Variants in DGKG observed in about 807,000 individuals in gnomAD.
DGKG encodes the protein diacylglycerol kinase gamma, also known as DAG kinase gamma.
Under a neutral mutation model 105.3 loss-of-function variants are expected in DGKG, and 78 were observed. The ratio of observed to expected loss-of-function variants is 0.74; its 90% CI spans 0.62 to 0.89. The LOEUF (loss-of-function observed/expected upper bound fraction) is 0.89, where lower values mean the gene tolerates loss of function less well. DGKG is among the 40% of genes least tolerant of loss of function. The probability of loss-of-function intolerance (pLI) is 0.00; values close to 1 mark genes in which losing one functional copy is unlikely to be tolerated. For synonymous variants in DGKG, 346 were observed against 367.1 expected (o/e 0.94, Z 0.66); for missense variants, 958 against 1,020.1 (o/e 0.94, Z 0.83).
chr3:186,197,984 A>G (rs1718267883), intron 21 of DGKG, among the ~76,000 whole-genome samples: 1 of 152,194 alleles, frequency 6.6e-6, no homozygotes, highest in Non-Finnish European at 1.5e-5. Flanking sequence ...TGCATTTTGC[A>G]TAGTTGTCTG....
chr3:186,256,519 C>T (rs762292832), intron 17 of DGKG, among the ~76,000 whole-genome samples: 5 of 152,324 alleles, frequency 3.3e-5, no homozygotes, highest in East Asian at 3.9e-4. Context: ...CAGTGGCCTC[C>T]GAACTGATCT....
Position 186,251,839 on chromosome 3 carries a change from C to T in DGKG, c.1681G>A (p.Glu561Lys), listed in dbSNP as rs1251287605. Residue 561 changes from glutamate to lysine, a missense_variant, in exon 19 of 25, where the codon GAA becomes AAA. Physicochemically the swap from Glu to Lys is moderately conservative, Grantham distance 56. This residue lies in a region of DGKG where 315 missense variants were observed against 400.6 expected (regional missense o/e 0.79). Coordinates refer to ENST00000265022, the MANE Select transcript of DGKG (RefSeq NM_001346.3). Reference protein sequence around the residue: ...PLVMLDRWHLEVIPREEVENG... With the variant: ...PLVMLDRWHLKVIPREEVENG... ...TCCACTTCCTCTCTGGGGATGACTTCCAGATGCCAGCGGTCCAGCATCACC... is the reference window on the plus strand; with the variant it reads ...TCCACTTCCTCTCTGGGGATGACTTTCAGATGCCAGCGGTCCAGCATCACC... 6.2e-7 allele frequency: 1 copy of T among 1,613,628 alleles called. No individual in the cohort carries two copies. The highest frequency in any genetic ancestry group is 1.1e-5 in the South Asian group (1 of 91,012).
At chr3:186,270,963 G>A (rs1039404042) in intron 11 of DGKG, among the ~76,000 whole-genome samples, 3 of 152,218 alleles carry the variant, frequency 2.0e-5, no homozygotes, top group Non-Finnish European at 2.9e-5. Context: ...CGTGTGTCCC[G>A]GTGAAAGGCA....
intron 1 of DGKG, among the ~76,000 whole-genome samples, chr3:186,322,687 C>T (rs774827342): frequency 9.9e-5 from 15 of 152,156 alleles, no homozygotes; most frequent in African/African-American, 1.9e-4. Flanking sequence ...TAATGACCCC[C>T]GGCATGCTGC....
chr3:186,332,104 C>G (rs902690747), intron 1 of DGKG, among the ~76,000 whole-genome samples: 16 of 152,132 alleles, frequency 1.1e-4, no homozygotes, highest in African/African-American at 3.9e-4. Flanking sequence ...AATAAGCCAC[C>G]TGTGGAGATG....
At chr3:186,319,019 T>C (rs2108638742) in intron 2 of DGKG, among the ~76,000 whole-genome samples, 1 of 152,356 alleles carries the variant, frequency 6.6e-6, no homozygotes, top group East Asian at 1.9e-4. Flanking sequence ...AGGGTAGGCC[T>C]CTCCTTTGTG....
rs566412677 is a variant in DGKG at position 186,149,393 on chromosome 3, C to T, written c.*697G>A. 3.3e-5 allele frequency: 33 copies of T among 985,346 alleles called. No homozygotes were observed. The East Asian group carries it at 9.1e-4, about 27-fold the overall frequency. 61.0% of individuals were successfully genotyped at this position (985,346 alleles called of 1,614,324 possible). A position where few individuals can be genotyped will look rare whatever the true frequency, so the allele number is the denominator to read the frequency against. ...AGGCAGCTCTGGGGGCTCTTGGAGC[C>T]GCCTCTAAGCAAACATGTAGACACC... On this transcript the variant is annotated 3_prime_UTR_variant, in exon 25 of 25. Coordinates refer to ENST00000265022, the MANE Select transcript of DGKG (RefSeq NM_001346.3).
At position 186,275,560 on chromosome 3, in the gene DGKG, G is replaced by A; in HGVS notation, c.897C>T (p.Gly299=). ...AAATTTACTCACAAGTGCAGCACAG[G>A]CCTTGCTTGCGGACGCCCATGAGCA... ...HIMLMGVRKQ[G]LCCTYCKYTV... The change falls in exon 10 of 25, where the codon GGC becomes GGT. Residue 299 remains glycine, a synonymous_variant. Transcript: ENST00000265022. 6.2e-7 allele frequency: 1 copy of A among 1,614,160 alleles called. No homozygotes were observed. Among genetic ancestry groups the A allele is most frequent in the Non-Finnish European group, 8.5e-7 (1 of 1,179,962 alleles).
chr3:186,240,496 G>A (rs1415995187), intron 20 of DGKG, among the ~76,000 whole-genome samples: 1 of 152,192 alleles, frequency 6.6e-6, no homozygotes, highest in Non-Finnish European at 1.5e-5. Context: ...TATGGCACAT[G>A]TGCATGAGTA....
At chr3:186,256,634 C>T (rs1219879578) in intron 17 of DGKG, among the ~76,000 whole-genome samples, 1 of 152,206 alleles carries the variant, frequency 6.6e-6, no homozygotes, top group African/African-American at 2.4e-5. Flanking sequence ...CCATAGAATG[C>T]CCTATATGTC....
chr3:186,244,343 T>C lies in DGKG; in HGVS notation c.1762-1775A>G, dbSNP rs143727164. On this transcript the variant is annotated intron_variant, in intron 19 of 24. Coordinates refer to ENST00000265022, the MANE Select transcript of DGKG (RefSeq NM_001346.3). ...AGGAGAAGATGGGCTTATTTTGTGA[T>C]TGGCAAACATTCTTTGCTAAAATGA... Among the ~76,000 whole-genome samples the C allele has an allele frequency of 1.8e-4, 27 of 152,080 alleles. No individual in the cohort carries two copies. In the East Asian group the frequency reaches 5.0e-3, roughly 28 times the overall value.
intron 20 of DGKG, among the ~76,000 whole-genome samples, chr3:186,220,298 G>T (rs1269113705): frequency 6.6e-6 from 1 of 152,184 alleles, no homozygotes; most frequent in Non-Finnish European, 1.5e-5. Context: ...CATAGTAAAA[G>T]GGTACATGTA....
At chr3:186,304,542 G>A (rs184753191) in intron 3 of DGKG, among the ~76,000 whole-genome samples, 2 of 152,328 alleles carry the variant, frequency 1.3e-5, no homozygotes, top group East Asian at 3.9e-4. Context: ...CTCTCCCTAA[G>A]TGAATCCTGC....
chr3:186,315,094 A>C (rs1263638721), intron 2 of DGKG, among the ~76,000 whole-genome samples: 1 of 152,146 alleles, frequency 6.6e-6, no homozygotes, highest in Non-Finnish European at 1.5e-5. Context: ...GAGCTAATGA[A>C]GGTCATTTAA....
chr3:186,350,550 T>C (rs1301786436), intron 1 of DGKG, among the ~76,000 whole-genome samples: 1 of 152,244 alleles, frequency 6.6e-6, no homozygotes, highest in Non-Finnish European at 1.5e-5. Flanking sequence ...GTTATAAACA[T>C]GGATGTACAA....
chr3:186,348,251 C>T (rs1726439727), intron 1 of DGKG, among the ~76,000 whole-genome samples: 1 of 151,948 alleles, frequency 6.6e-6, no homozygotes, highest in African/African-American at 2.4e-5. Context: ...CACGCCACAG[C>T]TTTGATATCA....
At chr3:186,256,367 C>T (rs1197355273) in intron 17 of DGKG, among the ~76,000 whole-genome samples, 2 of 152,172 alleles carry the variant, frequency 1.3e-5, no homozygotes, top group East Asian at 1.9e-4. Flanking sequence ...TGACTTCCCT[C>T]GTCCTCTCAT....
intron 4 of DGKG, 53 bp downstream of exon 4, chr3:186,298,011 C>A: frequency 1.3e-6 from 2 of 1,549,424 alleles, no homozygotes; most frequent in Non-Finnish European, 1.7e-6. Context: ...GTGGCTGTGG[C>A]AGGGGATGAG....
chr3:186,317,794 C>A (rs1353962157), intron 2 of DGKG, among the ~76,000 whole-genome samples: 1 of 152,140 alleles, frequency 6.6e-6, no homozygotes, highest in Admixed American at 6.6e-5. Context: ...GTTTGTCTTC[C>A]CCTGTGAGGC....
Sources: allele counts gnomAD v4.1 joint callset (sites outside exome capture counted in the v4.1 genomes callset), GRCh38; gene constraint gnomAD v4.1.1; regional missense constraint gnomAD v4.1.1; transcripts MANE v1.5; gene names NCBI Gene and HGNC (gene_info 2026-07-23, HGNC 2026-07-21).